Variants in MS4A7 observed in about 807,000 individuals in gnomAD.
The protein encoded by MS4A7 is membrane-spanning 4-domains subfamily A member 7.
Under a neutral mutation model 23.5 loss-of-function variants are expected in MS4A7, and 21 were observed. The ratio of observed to expected loss-of-function variants is 0.89; its 90% CI spans 0.63 to 1.29. MS4A7 has a LOEUF of 1.29. MS4A7 is among the 50% of genes most tolerant of loss of function. The probability of loss-of-function intolerance (pLI) is 0.00; values close to 1 mark genes in which losing one functional copy is unlikely to be tolerated. For missense variants in MS4A7, 263 were observed against 274.2 expected (o/e 0.96, Z 0.29); for synonymous variants, 111 against 107.4 (o/e 1.03, Z -0.21).
At chr11:60,387,744 T>C (rs1423855150) in intron 4 of MS4A7, among the ~76,000 whole-genome samples, 1 of 152,220 alleles carries the variant, frequency 6.6e-6, no homozygotes, top group East Asian at 1.9e-4. Flanking sequence ...ATCTAGAATA[T>C]GACCTTTGGT....
Position 60,395,703 on chromosome 11 carries a change from A to T in MS4A7, c.*1842A>T, listed in dbSNP as rs377034877. The T allele has an allele frequency of 3.3e-5, 5 of 152,226 alleles. No individual in the cohort carries two copies. The highest frequency in any genetic ancestry group is 1.2e-4 in the African/African-American group (5 of 41,446). 9.4% of individuals were successfully genotyped at this position (152,226 alleles called of 1,614,324 possible). A position where few individuals can be genotyped will look rare whatever the true frequency, so the allele number is the denominator to read the frequency against. On this transcript the variant is annotated 3_prime_UTR_variant, in exon 7 of 7. Transcript: ENST00000300184. ...TAAAGGGGCAACTCCATCTGGTCCT[A>T]TAGCATCTTTACTACTGATTTTTTT...
Position 60,389,599 on chromosome 11 carries a change from G to A in MS4A7, c.546+3G>A, listed in dbSNP as rs1180028534. On this transcript the variant is annotated splice_donor_region_variant and intron_variant, in intron 5 of 6. Coordinates refer to ENST00000300184, the MANE Select transcript of MS4A7 (RefSeq NM_021201.5). Reference sequence around the variant, plus strand: ...TCCTGACCAGTGTCAGTTTAACAGTGAGTAGTTTCAGACTGAATATCCTGT... The same window carrying A: ...TCCTGACCAGTGTCAGTTTAACAGTAAGTAGTTTCAGACTGAATATCCTGT... The A allele has an allele frequency of 6.2e-7, 1 of 1,610,976 alleles. No individual in the cohort carries two copies. Among genetic ancestry groups the A allele is most frequent in the Admixed American group, 1.7e-5 (1 of 60,028 alleles).
intron 5 of MS4A7, among the ~76,000 whole-genome samples, chr11:60,390,278 AAACTT>A (rs762092661): frequency 6.6e-6 from 1 of 152,220 alleles, no homozygotes; most frequent in Non-Finnish European, 1.5e-5. Context: ...CCTTTCTCCC[AAACTT>A]GATGATCACT....
At chr11:60,380,027 C>G (rs187199718) in intron 1 of MS4A7, among the ~76,000 whole-genome samples, 2 of 152,334 alleles carry the variant, frequency 1.3e-5, no homozygotes, top group Admixed American at 1.3e-4. Flanking sequence ...GAATTTGACT[C>G]TTCTAGGTGC....
chr11:60,386,591 G>A, intron 3 of MS4A7, 126 bp from the exon 4 acceptor site: 1 of 704,790 alleles, frequency 1.4e-6, no homozygotes, highest in South Asian at 2.0e-5. Context: ...AGATCCACAA[G>A]ATTTCTGCAG....
In MS4A7 at chr11:60,387,705, C is replaced by T. The variant is rs188415072; in HGVS notation, c.339+932C>T. Among the ~76,000 whole-genome samples the T allele has an allele frequency of 1.9e-3, 284 of 152,316 alleles. 2 individuals carry two copies. The highest frequency in any genetic ancestry group is 6.3e-3 in the African/African-American group (263 of 41,578). ...AACATACCCCTGGCTTCCTCAACAA[C>T]TTTAGAATTATTATATTGCCCTAAG... On this transcript the variant is annotated intron_variant, in intron 4 of 6. Coordinates refer to ENST00000300184, the MANE Select transcript of MS4A7 (RefSeq NM_021201.5).
intron 2 of MS4A7, 31 bp downstream of exon 2, chr11:60,383,319 G>A: frequency 1.2e-6 from 2 of 1,611,298 alleles, no homozygotes; most frequent in South Asian, 1.1e-5. Context: ...GGGGAATACT[G>A]AGAAAATACT....
Position 60,383,140 on chromosome 11 carries a change from T to A in MS4A7, c.-2T>A. Reference sequence around the variant, plus strand: ...GATGCCTCTTCCAGCATCATCAGCATCATGCTATTACAATCCCAAACCATG... The same window carrying A: ...GATGCCTCTTCCAGCATCATCAGCAACATGCTATTACAATCCCAAACCATG... On this transcript the variant is annotated 5_prime_UTR_variant, in exon 2 of 7. Transcript: ENST00000300184. 1 of 1,612,862 alleles carries A rather than the reference T, an allele frequency of 6.2e-7. No homozygotes were observed. Among genetic ancestry groups the A allele is most frequent in the Non-Finnish European group, 8.5e-7 (1 of 1,179,384 alleles).
Position 60,384,480 on chromosome 11 carries a change from T to C in MS4A7, c.148-608T>C, listed in dbSNP as rs117096474. The stretch of plus-strand genomic sequence containing the variant: ...TCGTGCCTGGCACACAACATACCTG[T>C]TGTGGTATTCAATAACTGTTGATGA... On this transcript the variant is annotated intron_variant, in intron 2 of 6. Transcript: ENST00000300184. 2.9e-3 allele frequency among the ~76,000 whole-genome samples: 436 copies of C among 152,310 alleles called. 10 individuals are homozygous for C. The East Asian group carries it at 0.043, about 15-fold the overall frequency.
chr11:60,390,221 G>A (rs1178822351), intron 5 of MS4A7, among the ~76,000 whole-genome samples: 1 of 152,094 alleles, frequency 6.6e-6, no homozygotes, highest in South Asian at 2.1e-4. Context: ...CAACGGATTT[G>A]ACTTCTAGAA....
intron 5 of MS4A7, chr11:60,390,016 C>T (rs563966593): frequency 1.7e-5 from 4 of 233,516 alleles, no homozygotes; most frequent in Admixed American, 5.2e-5. Flanking sequence ...GATGCCCCTA[C>T]CCCTTAAAGA....
At chr11:60,379,034 A>G (rs1344816373) in intron 1 of MS4A7, among the ~76,000 whole-genome samples, 1 of 152,180 alleles carries the variant, frequency 6.6e-6, no homozygotes, top group Non-Finnish European at 1.5e-5. Context: ...GTTGACCTCC[A>G]TGTCATGATT....
Position 60,386,735 on chromosome 11 carries a change from C to T in MS4A7, c.301C>T (p.Leu101Phe). Residue 101 changes from leucine (L) to phenylalanine (F), a missense_variant, in exon 4 of 7, where the codon CTC (leucine) becomes TTC (phenylalanine). Leu to Phe is a conservative substitution (Grantham distance 22). Transcript: ENST00000300184. ...TGGGCAGTTTGGCATTACTGGATCCCTCTCAATTATCTCTGGAAAACAATC... is the reference window on the plus strand; with the variant it reads ...TGGGCAGTTTGGCATTACTGGATCCTTCTCAATTATCTCTGGAAAACAATC... ...GALCFGITGS[L>F]SIISGKQSTK... 1 of 1,613,224 alleles carries T rather than the reference C, an allele frequency of 6.2e-7. No individual in the cohort carries two copies. The highest frequency in any genetic ancestry group is 8.5e-7 in the Non-Finnish European group (1 of 1,179,316).
At chr11:60,388,399 G>T (rs116006042) in intron 4 of MS4A7, among the ~76,000 whole-genome samples, 1 of 152,192 alleles carries the variant, frequency 6.6e-6, no homozygotes, top group Admixed American at 6.5e-5. Context: ...GATAGGAGGA[G>T]AGGATTTCAG....
chr11:60,391,650 G>T (rs920996384), intron 5 of MS4A7, among the ~76,000 whole-genome samples: 15 of 152,170 alleles, frequency 9.9e-5, no homozygotes, highest in African/African-American at 3.6e-4. Context: ...CAGGTGCAGT[G>T]GCTCACAACT....
chr11:60,380,833 T>C (rs1241830216), intron 1 of MS4A7, among the ~76,000 whole-genome samples: 1 of 152,058 alleles, frequency 6.6e-6, no homozygotes, highest in Non-Finnish European at 1.5e-5. Context: ...GCTTCAACAA[T>C]AGGGGAGGAA....
intron 4 of MS4A7, among the ~76,000 whole-genome samples, chr11:60,387,279 C>T (rs139045610): frequency 0.01 from 1,523 of 152,244 alleles, 12 homozygotes; most frequent in Middle Eastern, 0.027. Flanking sequence ...TCAGTTTTAG[C>T]CCAGAAAGCC....
chr11:60,389,854 G>A (rs1400110765), intron 5 of MS4A7: 14 of 465,002 alleles, frequency 3.0e-5, no homozygotes, highest in African/African-American at 9.8e-5. Context: ...AATCACAAAC[G>A]TTCCAACCTT....
intron 6 of MS4A7, among the ~76,000 whole-genome samples, chr11:60,392,999 T>C (rs1590799031): frequency 6.6e-6 from 1 of 152,244 alleles, no homozygotes; most frequent in Non-Finnish European, 1.5e-5. Context: ...CACACGCCTG[T>C]AGTCCCAGCT....
Sources: gnomAD v4.1 joint callset for allele counts (sites outside exome capture counted in the v4.1 genomes callset) on GRCh38, gnomAD v4.1.1 for gene constraint, MANE v1.5 for transcripts, NCBI Gene and HGNC (gene_info 2026-07-23, HGNC 2026-07-21) for gene names.